SLC4A5: variants seen among roughly 807,000 people sequenced by gnomAD.
SLC4A5 encodes electrogenic sodium bicarbonate cotransporter 4.
A neutral mutation model predicts 120.4 loss-of-function variants in SLC4A5; 96 were observed. The ratio of observed to expected loss-of-function variants is 0.80; its 90% CI spans 0.68 to 0.94. SLC4A5 has a LOEUF of 0.94. Among genes scored for constraint, SLC4A5 ranks in the 40% least tolerant of loss-of-function variants. The pLI is 0.00. For missense variants in SLC4A5, 1,259 were observed against 1,459.5 expected, an observed-to-expected ratio of 0.86 and a Z score of 2.24; for synonymous variants, 550 against 571.1, an observed-to-expected ratio of 0.96 and a Z score of 0.53.
At position 74,250,517 on chromosome 2, in the gene SLC4A5, C is replaced by A. The variant is rs753016141; in HGVS notation, c.1479G>T (p.Arg493Ser). ...TATCCAGACACAGGCCACCGAAGAA[C>A]CTGCTCAAGACAGGCCCAGGGGCTG... The change falls in exon 17 of 31, where the codon AGG becomes AGT. Residue 493 changes from arginine to serine, a missense_variant and splice_region_variant. Physicochemically the swap from Arg to Ser is moderately radical, Grantham distance 110. Coordinates refer to ENST00000394019, the Ensembl canonical transcript of SLC4A5. 3 of 1,614,200 alleles carry A rather than the reference C, an allele frequency of 1.9e-6. No individual in the cohort carries two copies. The Admixed American group carries it at 5.0e-5, about 27-fold the overall frequency.
exon 31 of SLC4A5, chr2:74,217,507 T>C (rs1694483327): frequency 6.6e-6 from 1 of 152,212 alleles, no homozygotes; most frequent in South Asian, 2.1e-4. Context: ...CCTGTATTGT[T>C]CACATGAATG....
chr2:74,297,311 A>G (rs1396236696), intron 7 of SLC4A5, among the ~76,000 whole-genome samples: 3 of 152,204 alleles, frequency 2.0e-5, no homozygotes, highest in African/African-American at 7.2e-5. Flanking sequence ...TTTATCTCTC[A>G]TTTAACAACT....
At position 74,235,220 on chromosome 2, in the gene SLC4A5, G is replaced by C. The variant is rs1486851064; in HGVS notation, c.2320-6C>G. On this transcript the variant is annotated splice_region_variant and splice_polypyrimidine_tract_variant and intron_variant, in intron 21 of 30. Coordinates refer to ENST00000394019, the Ensembl canonical transcript of SLC4A5. The stretch of plus-strand genomic sequence containing the variant: ...TCAGCCACCAGGGCCCGGACCTGCA[G>C]ACAGGAGATGAGCAAGTAAAAGAAG... The C allele has an allele frequency of 6.2e-7, 1 of 1,610,474 alleles. No homozygotes were observed. The highest frequency in any genetic ancestry group is 8.5e-7 in the Non-Finnish European group (1 of 1,177,304).
In SLC4A5 at chr2:74,283,002, C is replaced by A. The variant is rs549114094; in HGVS notation, c.401+2771G>T. On this transcript the variant is annotated intron_variant, in intron 8 of 30. Coordinates refer to ENST00000394019, the Ensembl canonical transcript of SLC4A5. ...TGGGTCCTGGTCATTTGAAATGTCC[C>A]CCTTCCCTGTCAATCTTGGATAGGC... Among the ~76,000 whole-genome samples the A allele has an allele frequency of 3.3e-5, 5 of 152,304 alleles. No individual in the cohort carries two copies. The East Asian group carries it at 9.6e-4, about 29-fold the overall frequency.
chr2:74,235,379 C>T (rs1039174625), intron 21 of SLC4A5, among the ~76,000 whole-genome samples, 165 bp from the exon 22 acceptor site: 2 of 152,148 alleles, frequency 1.3e-5, no homozygotes, highest in African/African-American at 4.8e-5. Context: ...ACTGTGTGAG[C>T]TTGGGGAAGC....
intron 7 of SLC4A5, among the ~76,000 whole-genome samples, chr2:74,296,659 C>T (rs1251241278): frequency 3.4e-5 from 5 of 147,168 alleles, no homozygotes; most frequent in African/African-American, 1.0e-4. Context: ...TGTGGTGGCA[C>T]ATGCCTGTAA....
In SLC4A5 at chr2:74,221,489, G is replaced by C. The variant is rs779050696; in HGVS notation, c.3344C>G (p.Ser1115Cys). The change falls in exon 30 of 31, where the codon TCC (serine) becomes TGC (cysteine). Residue 1115 changes from serine (S) to cysteine (C), a missense_variant. Physicochemically the swap from Ser to Cys is moderately radical, Grantham distance 112 (BLOSUM62 -1). Transcript: ENST00000394019. ...GAATCAGAGTGAGTAACTCCAACTG[G>C]AAGATCTTTTTCCTGGCAGGAAAAT... The C allele has an allele frequency of 3.7e-5, 59 of 1,614,070 alleles. 1 individual carries two copies. The South Asian group carries it at 6.3e-4, about 17-fold the overall frequency.
chr2:74,247,231 C>T, exon 19 of SLC4A5: 1 of 1,614,176 alleles, frequency 6.2e-7, no homozygotes, highest in Non-Finnish European at 8.5e-7. Flanking sequence ...GCATCTGTGG[C>T]CACTAGGATA....
At chr2:74,290,019 G>A (rs1001120337) in intron 7 of SLC4A5, among the ~76,000 whole-genome samples, 6 of 152,114 alleles carry the variant, frequency 3.9e-5, no homozygotes, top group African/African-American at 1.4e-4. Context: ...TGCCTTTCTA[G>A]GTTCTAGCAT....
In SLC4A5 at chr2:74,227,171, G is replaced by A. The variant is rs370536881; in HGVS notation, c.2917-41C>T. The A allele has an allele frequency of 3.1e-4, 490 of 1,559,162 alleles. 1 individual carries two copies. The highest frequency in any genetic ancestry group is 1.1e-3 in the South Asian group (92 of 84,956). ...GGGCTCAGCCAGGCAGCCAGACCCCGAGGGCCCGCTGGGTCCTGGGACTAG... is the reference window on the plus strand; with the variant it reads ...GGGCTCAGCCAGGCAGCCAGACCCCAAGGGCCCGCTGGGTCCTGGGACTAG... On this transcript the variant is annotated intron_variant, in intron 26 of 30. Transcript: ENST00000394019.
At chr2:74,227,513 T>C in intron 26 of SLC4A5, 1 of 1,612,082 alleles carries the variant, frequency 6.2e-7, no homozygotes, top group Non-Finnish European at 8.5e-7. Context: ...AGTGAAATGC[T>C]CACTGGAGTC....
chr2:74,250,782 C>A lies in SLC4A5; in HGVS notation c.1479-265G>T, dbSNP rs574464920. On this transcript the variant is annotated intron_variant, in intron 16 of 30. Transcript: ENST00000394019. ...TGATGGGAATATGTCCTGGGGTAGA[C>A]CTAACATTCCATGGAGAATGGAAGT... The A allele has an allele frequency of 1.1e-3, 440 of 384,512 alleles. 4 individuals carry two copies. Among genetic ancestry groups the A allele is most frequent in the African/African-American group, 8.5e-3 (416 of 49,062 alleles). 23.8% of individuals were successfully genotyped at this position (384,512 alleles called of 1,614,324 possible).
At chr2:74,303,672 G>T (rs971333896) in intron 7 of SLC4A5, among the ~76,000 whole-genome samples, 13 of 152,106 alleles carry the variant, frequency 8.5e-5, no homozygotes, top group Non-Finnish European at 1.6e-4. Context: ...AGGCCTGGGG[G>T]CTTTGTTGTC....
intron 22 of SLC4A5, among the ~76,000 whole-genome samples, chr2:74,233,818 A>G (rs1037210496): frequency 3.9e-5 from 6 of 152,204 alleles, no homozygotes; most frequent in African/African-American, 1.4e-4. Flanking sequence ...GTCAGGAAAC[A>G]TGGAGGTGAA....
intron 6 of SLC4A5, chr2:74,307,253 T>C (rs58507902): frequency 0.012 from 6,353 of 514,806 alleles, 349 homozygotes; most frequent in African/African-American, 0.11. Context: ...GCTAATCATA[T>C]TGGGCCCAGA....
In SLC4A5 at chr2:74,307,291, A is replaced by G. The variant is rs537588665; in HGVS notation, c.80-2611T>C. 4.8e-4 allele frequency: 256 copies of G among 529,292 alleles called. 3 individuals carry two copies. Among genetic ancestry groups the G allele is most frequent in the Middle Eastern group, 1.1e-3 (2 of 1,744 alleles). 32.8% of individuals were successfully genotyped at this position (529,292 alleles called of 1,614,324 possible). On this transcript the variant is annotated intron_variant, in intron 6 of 30. Coordinates refer to ENST00000394019, the Ensembl canonical transcript of SLC4A5. Reference sequence around the variant, plus strand: ...TCTGCCATGATCTTATCAACGTCCTAAGATTTGGGGACATGTACCTCCATG... The same window carrying G: ...TCTGCCATGATCTTATCAACGTCCTGAGATTTGGGGACATGTACCTCCATG...
intron 8 of SLC4A5, among the ~76,000 whole-genome samples, chr2:74,281,415 T>C (rs1671810256): frequency 6.6e-6 from 1 of 152,130 alleles, no homozygotes; most frequent in South Asian, 2.1e-4. Flanking sequence ...TGAGAGAGGA[T>C]AGAATTCTGG....
intron 8 of SLC4A5, among the ~76,000 whole-genome samples, chr2:74,281,564 T>C (rs1046908545): frequency 6.6e-6 from 1 of 152,170 alleles, no homozygotes; most frequent in Admixed American, 6.5e-5. Flanking sequence ...TAAAAATCTA[T>C]CTTATTAACA....
chr2:74,269,997 C>G (rs1289486135), intron 8 of SLC4A5, among the ~76,000 whole-genome samples: 10 of 152,160 alleles, frequency 6.6e-5, no homozygotes, highest in Admixed American at 3.3e-4. Context: ...AAACATTAAC[C>G]CCATAGACAC....
Sources: gnomAD v4.1 joint callset for allele counts (sites outside exome capture counted in the v4.1 genomes callset) on GRCh38, gnomAD v4.1.1 for gene constraint, MANE v1.5 for transcripts, NCBI Gene and HGNC (gene_info 2026-07-23, HGNC 2026-07-21) for gene names.